SYN3: variants seen among roughly 807,000 people sequenced by gnomAD.
The protein encoded by SYN3 is synapsin III, also known as synapsin-3.
SYN3 carries 35 observed loss-of-function variants against 65.8 expected under a neutral mutation model. The observed-to-expected ratio is 0.53, with a 90% CI of 0.41 to 0.70. The LOEUF is 0.70. Ranked by LOEUF, SYN3 falls within the 30% of genes least tolerant of loss-of-function variation. SYN3 has a pLI of 0.00. For missense variants in SYN3, 680 were observed against 749.0 expected, an observed-to-expected ratio of 0.91 and a Z score of 1.08; for synonymous variants, 270 against 292.9, an observed-to-expected ratio of 0.92 and a Z score of 0.80.
chr22:32,584,160 C>T (rs2058989363), intron 7 of SYN3: 1 of 152,230 alleles, frequency 6.6e-6, no homozygotes, highest in African/African-American at 2.4e-5. Flanking sequence ...CTCCTGTTTC[C>T]TTGTTTGGCT....
intron 6 of SYN3, among the ~76,000 whole-genome samples, chr22:32,846,039 T>G (rs1351836705): frequency 6.6e-5 from 10 of 152,164 alleles, no homozygotes; most frequent in Admixed American, 6.5e-4. Flanking sequence ...AGAATCTATT[T>G]GGAGGGCAGA....
intron 5 of SYN3, 51 bp from the exon 6 acceptor site, chr22:32,865,055 C>T (rs752748522): frequency 6.9e-7 from 1 of 1,455,436 alleles, no homozygotes; most frequent in Non-Finnish European, 9.6e-7. Context: ...CCCAGTATAA[C>T]AAAACCTCCC....
At chr22:32,806,815 C>T (rs915058361) in intron 6 of SYN3, among the ~76,000 whole-genome samples, 2 of 152,074 alleles carry the variant, frequency 1.3e-5, no homozygotes, top group South Asian at 4.1e-4. Flanking sequence ...TATCTAAAAT[C>T]GGAGAAGAGT....
At chr22:32,924,889 C>T (rs901811353) in intron 4 of SYN3, among the ~76,000 whole-genome samples, 7 of 151,924 alleles carry the variant, frequency 4.6e-5, no homozygotes, top group African/African-American at 1.7e-4. Flanking sequence ...CTCAGGAGTT[C>T]GATACCAGCT....
intron 4 of SYN3, among the ~76,000 whole-genome samples, chr22:32,872,571 A>G (rs2048877087): frequency 6.6e-6 from 1 of 152,222 alleles, no homozygotes; most frequent in African/African-American, 2.4e-5. Flanking sequence ...TATCAGGCCA[A>G]ACCAGGCATG....
chr22:32,916,250 CA>C (rs1569324252), intron 4 of SYN3, among the ~76,000 whole-genome samples: 3 of 152,214 alleles, frequency 2.0e-5, no homozygotes. Context: ...CTGCATGGAG[CA>C]GAAGAACCAC....
chr22:32,650,606 A>G (rs1281019295), intron 6 of SYN3, among the ~76,000 whole-genome samples: 2 of 152,090 alleles, frequency 1.3e-5, no homozygotes, highest in Non-Finnish European at 2.9e-5. Flanking sequence ...AATAATGCTA[A>G]GCAGAATATG....
intron 6 of SYN3, among the ~76,000 whole-genome samples, chr22:32,756,541 C>A (rs1440263551): frequency 4.6e-5 from 7 of 152,240 alleles, no homozygotes; most frequent in African/African-American, 1.7e-4. Flanking sequence ...CCCTCCAAAT[C>A]TCACGTTGAG....
intron 4 of SYN3, among the ~76,000 whole-genome samples, chr22:32,878,533 T>C (rs1208111971): frequency 6.6e-6 from 1 of 152,072 alleles, no homozygotes; most frequent in Non-Finnish European, 1.5e-5. Flanking sequence ...GAGTGTTGAG[T>C]GTTATGTGAT....
chr22:32,614,713 T>C (rs541203661), intron 6 of SYN3, among the ~76,000 whole-genome samples: 19 of 152,274 alleles, frequency 1.2e-4, no homozygotes, highest in Non-Finnish European at 2.2e-4. Context: ...TTATTAATGA[T>C]ATACAAAAGG....
rs145983458 is a variant in SYN3, at chr22:32,533,868, C to T, written c.1020G>A (p.Ser340=). 41 of 1,613,688 alleles carry T rather than the reference C, an allele frequency of 2.5e-5. 1 individual carries two copies. The highest frequency in any genetic ancestry group is 7.7e-5 in the South Asian group (7 of 91,040). ...ERYRLWVDSC[S]EMFGGLDICA... ...AGATGTCCAGGCCGCCAAACATTTCCGAGCAGCTGTCCACCCACAGCCTGT... is the reference window on the plus strand; with the variant it reads ...AGATGTCCAGGCCGCCAAACATTTCTGAGCAGCTGTCCACCCACAGCCTGT... Residue 340 remains serine (S), a synonymous_variant, in exon 10 of 14, where the codon TCG becomes TCA. Transcript: ENST00000358763.
chr22:32,709,696 CT>C (rs200497488), intron 6 of SYN3, among the ~76,000 whole-genome samples: 3,841 of 151,368 alleles, frequency 0.025, 68 homozygotes, highest in African/African-American at 0.044. Flanking sequence ...TTTCCTTTTT[CT>C]TTTTTTTTCC....
intron 3 of SYN3, among the ~76,000 whole-genome samples, chr22:32,976,344 T>A (rs886334304): frequency 1.3e-5 from 2 of 152,184 alleles, no homozygotes; most frequent in African/African-American, 2.4e-5. Flanking sequence ...GAGCAAGGCA[T>A]TAGTGTTCTT....
At chr22:32,896,872 T>C (rs776555698) in intron 4 of SYN3, among the ~76,000 whole-genome samples, 1 of 152,148 alleles carries the variant, frequency 6.6e-6, no homozygotes, top group African/African-American at 2.4e-5. Flanking sequence ...CTCTAACTTT[T>C]CTTAAACAAC....
chr22:32,591,892 C>G (rs1035501001), intron 7 of SYN3, among the ~76,000 whole-genome samples: 1 of 152,196 alleles, frequency 6.6e-6, no homozygotes, highest in Non-Finnish European at 1.5e-5. Context: ...ATCACTGCGT[C>G]CAGCACGTCC....
At chr22:32,873,487 C>T (rs1253263149) in intron 4 of SYN3, among the ~76,000 whole-genome samples, 6 of 152,122 alleles carry the variant, frequency 3.9e-5, no homozygotes, top group Admixed American at 3.3e-4. Context: ...AATGTGCCCT[C>T]GTTGTTGGGG....
At chr22:32,521,058 T>C (rs976809680) in intron 12 of SYN3, among the ~76,000 whole-genome samples, 4 of 152,218 alleles carry the variant, frequency 2.6e-5, no homozygotes, top group Non-Finnish European at 4.4e-5. Flanking sequence ...CATGATTGTA[T>C]AGGCGAGTAG....
At chr22:32,819,139 G>GT (rs886232137) in intron 6 of SYN3, among the ~76,000 whole-genome samples, 5 of 152,316 alleles carry the variant, frequency 3.3e-5, no homozygotes, top group South Asian at 2.1e-4. Flanking sequence ...TTGTTTTCTT[G>GT]TTTTTTCCAC....
chr22:32,953,746 C>T (rs1399063689), intron 3 of SYN3, among the ~76,000 whole-genome samples: 2 of 152,062 alleles, frequency 1.3e-5, no homozygotes, highest in African/African-American at 4.8e-5. Context: ...AAGATGTTGG[C>T]ATCTTTACTA....
Sources: allele counts gnomAD v4.1 joint callset (sites outside exome capture counted in the v4.1 genomes callset), GRCh38; gene constraint gnomAD v4.1.1; transcripts MANE v1.5; gene names NCBI Gene and HGNC (gene_info 2026-07-23, HGNC 2026-07-21).